The following CFAP54 variants were observed in gnomAD, a reference collection of about 807,000 sequenced individuals.
The protein encoded by CFAP54 is cilia and flagella associated protein 54.
In CFAP54, 290 loss-of-function variants were observed where a neutral mutation model predicts 370.4. The ratio of observed to expected loss-of-function variants is 0.78; its 90% confidence interval spans 0.71 to 0.86. The LOEUF (loss-of-function observed/expected upper bound fraction) is 0.86, where lower values mean the gene tolerates loss of function less well. Ranked by LOEUF, CFAP54 falls within the 40% of genes least tolerant of loss-of-function variation. CFAP54 has a pLI of 0.00. For missense variants in CFAP54, 3,399 were observed against 3,528.7 expected, an observed-to-expected ratio of 0.96 and a Z score of 0.93; for synonymous variants, 1,206 against 1,236.5, an observed-to-expected ratio of 0.98 and a Z score of 0.52.
chr12:96,728,443 A>T (rs1318706312), intron 50 of CFAP54, among the ~76,000 whole-genome samples: 1 of 152,026 alleles, frequency 6.6e-6, no homozygotes, highest in African/African-American at 2.4e-5. Context: ...TCCATCACTG[A>T]TACCCTTTCT....
chr12:96,616,372 G>C (rs7979990), intron 26 of CFAP54, among the ~76,000 whole-genome samples: 63,661 of 151,500 alleles, frequency 0.42, 14,021 homozygotes, highest in Admixed American at 0.5. Flanking sequence ...TGGGGTGGTG[G>C]GAGGGGGGAG....
At chr12:96,519,168 G>C in intron 6 of CFAP54, 97 bp downstream of exon 6, 1 of 1,205,474 alleles carries the variant, frequency 8.3e-7, no homozygotes, top group Non-Finnish European at 1.1e-6. Context: ...ATGTGATCTC[G>C]GCTCACTGCA....
At chr12:96,839,558 AC>A (rs1959198945) in intron 66 of CFAP54, among the ~76,000 whole-genome samples, 1 of 152,248 alleles carries the variant, frequency 6.6e-6, no homozygotes, top group African/African-American at 2.4e-5. Flanking sequence ...TGTCCCTGTT[AC>A]TTTAGTTATG....
In CFAP54 at chr12:96,554,717, C is replaced by T; in HGVS notation, c.2325C>T (p.Ala775=). ...ATGGAGATACTTACAAACCACTTGC[C>T]TCAAATAGTTTCATGATGGATTTGC... The part of the protein sequence containing the change: ...HIDGDTYKPL[A]SNSFMMDLHL... The change falls in exon 17 of 68, where the codon GCC becomes GCT. Residue 775 remains alanine, a synonymous_variant. Coordinates refer to ENST00000524981, the MANE Select transcript of CFAP54 (RefSeq NM_001306084.2). The T allele has an allele frequency of 6.5e-7, 1 of 1,534,990 alleles. No homozygotes were observed. Among genetic ancestry groups the T allele is most frequent in the East Asian group, 2.4e-5 (1 of 40,850 alleles).
chr12:96,526,430 C>T (rs755287649), intron 8 of CFAP54, among the ~76,000 whole-genome samples: 2 of 152,142 alleles, frequency 1.3e-5, no homozygotes, highest in Non-Finnish European at 2.9e-5. Context: ...GTTATTTATA[C>T]TACTAAATAC....
chr12:96,530,096 G>A (rs1019494123), intron 9 of CFAP54, among the ~76,000 whole-genome samples: 16 of 152,234 alleles, frequency 1.1e-4, no homozygotes, highest in Non-Finnish European at 2.4e-4. Context: ...CCTTTAGTTG[G>A]CTGCAGTATC....
intron 67 of CFAP54, among the ~76,000 whole-genome samples, chr12:96,867,980 T>C (rs760410349): frequency 2.0e-5 from 3 of 152,282 alleles, no homozygotes; most frequent in East Asian, 1.9e-4. Context: ...ATAATCAATG[T>C]ATATATATTT....
At chr12:96,758,027 T>A (rs912681500) in intron 58 of CFAP54, among the ~76,000 whole-genome samples, 4 of 152,176 alleles carry the variant, frequency 2.6e-5, no homozygotes, top group African/African-American at 9.7e-5. Context: ...ATAGAATCAT[T>A]CATACATTCA....
chr12:96,760,873 A>G (rs1005204842), intron 58 of CFAP54, among the ~76,000 whole-genome samples: 2 of 152,070 alleles, frequency 1.3e-5, no homozygotes, highest in African/African-American at 4.8e-5. Flanking sequence ...TAGTTGATGG[A>G]CATTTGAATT....
chr12:96,619,059 T>G (rs954799744), intron 26 of CFAP54, among the ~76,000 whole-genome samples: 1 of 152,162 alleles, frequency 6.6e-6, no homozygotes, highest in African/African-American at 2.4e-5. Flanking sequence ...AGACAGGGTT[T>G]TGCCATGTTG....
intron 23 of CFAP54, among the ~76,000 whole-genome samples, chr12:96,591,347 GA>G (rs976488217): frequency 6.6e-6 from 1 of 151,756 alleles, no homozygotes; most frequent in Non-Finnish European, 1.5e-5. Context: ...ATTCGCTAAG[GA>G]AAAAAAAGAA....
chr12:96,755,749 C>A (rs1217369137), intron 56 of CFAP54, among the ~76,000 whole-genome samples: 1 of 148,290 alleles, frequency 6.7e-6, no homozygotes, highest in African/African-American at 2.5e-5. Context: ...CTCACTGCAA[C>A]CTCCACCTCC....
chr12:96,657,406 G>A (rs1376107983), intron 36 of CFAP54, among the ~76,000 whole-genome samples: 1 of 152,134 alleles, frequency 6.6e-6, no homozygotes, highest in East Asian at 1.9e-4. Context: ...TTCATTATGT[G>A]TTTATACTAA....
At position 96,589,517 on chromosome 12, in the gene CFAP54, C is replaced by T; in HGVS notation, c.3166C>T (p.Gln1056Ter). ...TGTTGCTTCGCCACTTCAGGATGAA[C>T]AATCTGTTATTTGTTTAAGCAATAT... ...YFVASPLQDE[Q>*]SVICLSNIIT... is the part of the protein sequence containing the mutation. The change falls in exon 23 of 68, where the codon CAA becomes TAA. Residue 1056 changes from glutamine to a stop codon, truncating the protein, a stop_gained. Transcript: ENST00000524981. LOFTEE classifies it high-confidence loss of function. The T allele has an allele frequency of 2.7e-6, 4 of 1,489,482 alleles. No individual in the cohort carries two copies. The highest frequency in any genetic ancestry group is 2.7e-6 in the Non-Finnish European group (3 of 1,104,736). 92.3% of individuals were successfully genotyped at this position (1,489,482 alleles called of 1,614,324 possible). A position where few individuals can be genotyped will look rare whatever the true frequency, so the allele number is the denominator to read the frequency against.
intron 22 of CFAP54, among the ~76,000 whole-genome samples, chr12:96,585,695 T>C (rs980668679): frequency 6.6e-6 from 1 of 152,174 alleles, no homozygotes; most frequent in Admixed American, 6.5e-5. Context: ...AGAAGGCCTA[T>C]GAGCTCTCCT....
intron 61 of CFAP54, among the ~76,000 whole-genome samples, chr12:96,785,479 T>C (rs1958619879): frequency 6.6e-6 from 1 of 152,066 alleles, no homozygotes; most frequent in Admixed American, 6.6e-5. Flanking sequence ...GAAAAGACAA[T>C]TTGACCCATG....
chr12:96,660,834 A>G (rs540257149), intron 38 of CFAP54, among the ~76,000 whole-genome samples: 2 of 152,286 alleles, frequency 1.3e-5, no homozygotes, highest in East Asian at 3.9e-4. Context: ...GACAGGTGAC[A>G]AATTAGGGTT....
intron 66 of CFAP54, among the ~76,000 whole-genome samples, chr12:96,859,949 G>A (rs957943827): frequency 6.6e-6 from 1 of 151,974 alleles, no homozygotes; most frequent in Non-Finnish European, 1.5e-5. Context: ...TCTATTGTTT[G>A]CAGTTATAGA....
intron 45 of CFAP54, among the ~76,000 whole-genome samples, chr12:96,696,171 T>C (rs1420645): frequency 0.87 from 132,503 of 152,142 alleles, 58,072 homozygotes; most frequent in African/African-American, 0.96. Flanking sequence ...GTTTAGGGGG[T>C]GGGGTGGTTC....
Sources: allele counts gnomAD v4.1 joint callset (sites outside exome capture counted in the v4.1 genomes callset), GRCh38; gene constraint gnomAD v4.1.1; transcripts MANE v1.5; gene names NCBI Gene and HGNC (gene_info 2026-07-23, HGNC 2026-07-21).